Variants in PPP2R2B observed in about 807,000 individuals in gnomAD.
PPP2R2B encodes the protein serine/threonine-protein phosphatase 2A 55 kDa regulatory subunit B beta isoform.
PPP2R2B carries 5 observed loss-of-function variants against 46.0 expected under a neutral mutation model. That is an observed-to-expected ratio of 0.11 (90% confidence interval 0.06 to 0.23). The LOEUF (loss-of-function observed/expected upper bound fraction) is 0.23, where lower values mean the gene tolerates loss of function less well. Among genes scored for constraint, PPP2R2B ranks in the 10% least tolerant of loss-of-function variants. The probability of loss-of-function intolerance (pLI) is 1.00; values close to 1 mark genes in which losing one functional copy is unlikely to be tolerated. For missense variants in PPP2R2B, 367 were observed against 575.0 expected (o/e 0.64, Z 3.70); for synonymous variants, 215 against 206.7 (o/e 1.04, Z -0.34).
intron 5 of PPP2R2B, among the ~76,000 whole-genome samples, chr5:146,660,601 C>A (rs966863915): frequency 6.6e-6 from 1 of 152,080 alleles, no homozygotes; most frequent in African/African-American, 2.4e-5. Flanking sequence ...ACCAGCACCC[C>A]GCCAAAACCC....
Position 146,589,322 on chromosome 5 carries a change from A to C in PPP2R2B, c.*625T>G, listed in dbSNP as rs1167890961. ...CTCAGGCTGTTTCTATGGAGCTTAC[A>C]AAAAAAGAGCATAGCAGGGTTGATG... is the stretch of plus-strand genomic sequence containing the variant. On this transcript the variant is annotated 3_prime_UTR_variant, in exon 10 of 10. Coordinates refer to ENST00000394411, the MANE Select transcript of PPP2R2B (RefSeq NM_181675.4). 6.6e-6 allele frequency: 1 copy of C among 152,520 alleles called. No homozygotes were observed. The highest frequency in any genetic ancestry group is 6.5e-5 in the Admixed American group (1 of 15,288). 9.4% of individuals were successfully genotyped at this position (152,520 alleles called of 1,614,324 possible).
intron 1 of PPP2R2B, among the ~76,000 whole-genome samples, chr5:147,054,013 C>T (rs1756954807): frequency 1.3e-5 from 2 of 152,180 alleles, no homozygotes; most frequent in African/African-American, 2.4e-5. Flanking sequence ...TCCACCCTCC[C>T]ACCCTGAAAT....
At chr5:147,005,806 A>G (rs1754410986) in intron 1 of PPP2R2B, among the ~76,000 whole-genome samples, 1 of 84,786 alleles carries the variant, frequency 1.2e-5, no homozygotes, top group African/African-American at 6.8e-5. Flanking sequence ...ACAGACAAAG[A>G]AGAAGTCAAA....
rs116245042 is a variant in PPP2R2B, at chr5:146,958,151, G to A, written c.79+97514C>T. On this transcript the variant is annotated intron_variant, in intron 1 of 8. Coordinates refer to the PPP2R2B transcript ENST00000336640. ...ATACAGCAACGAGCAGACATTAATC[G>A]CAGATCTCCCGAAGGCCCCACCCTT... Among the ~76,000 whole-genome samples the A allele has an allele frequency of 5.5e-3, 839 of 151,906 alleles. 7 individuals are homozygous for A. Among genetic ancestry groups the A allele is most frequent in the African/African-American group, 0.019 (785 of 41,392 alleles).
chr5:146,689,196 C>T (rs1038338641), intron 5 of PPP2R2B, among the ~76,000 whole-genome samples: 1 of 152,108 alleles, frequency 6.6e-6, no homozygotes, highest in Non-Finnish European at 1.5e-5. Flanking sequence ...ACTACACAGG[C>T]TAAGCTGTTT....
At chr5:146,770,468 A>T (rs1754783081) in intron 2 of PPP2R2B, among the ~76,000 whole-genome samples, 1 of 151,990 alleles carries the variant, frequency 6.6e-6, no homozygotes, top group African/African-American at 2.4e-5. Context: ...ACTAAGTAAG[A>T]AACTATATAA....
At position 146,584,708 on chromosome 5, in the gene PPP2R2B, T is replaced by G. The variant is rs2150989070; in HGVS notation, c.*5239A>C. 6.6e-6 allele frequency: 1 copy of G among 152,370 alleles called. No homozygotes were observed. Among genetic ancestry groups the G allele is most frequent in the Non-Finnish European group, 1.5e-5 (1 of 68,036 alleles). The allele number at this position is 152,370 out of a possible 1,614,324, so 9.4% of individuals were successfully genotyped here. ...GTTTCCTTTTATTCTTTCCGTCTAC[T>G]TTACACTTAAATACAGTGCTTAAAA... On this transcript the variant is annotated 3_prime_UTR_variant, in exon 10 of 10. Coordinates refer to ENST00000394411, the MANE Select transcript of PPP2R2B (RefSeq NM_181675.4).
chr5:146,778,083 T>C (rs1755297805), intron 2 of PPP2R2B, among the ~76,000 whole-genome samples: 1 of 152,162 alleles, frequency 6.6e-6, no homozygotes, highest in Non-Finnish European at 1.5e-5. Flanking sequence ...CTAGAAACTT[T>C]CCCAAGGTTA....
chr5:146,827,903 C>T (rs999829670), intron 2 of PPP2R2B, among the ~76,000 whole-genome samples: 8 of 152,036 alleles, frequency 5.3e-5, no homozygotes, highest in African/African-American at 1.9e-4. Context: ...TGTCGTCTTC[C>T]TACACTTTAG....
chr5:147,017,331 G>T (rs927927515), intron 1 of PPP2R2B, among the ~76,000 whole-genome samples: 2 of 151,564 alleles, frequency 1.3e-5, no homozygotes, highest in Admixed American at 1.3e-4. Flanking sequence ...CAGAACACAG[G>T]CTGGGCATGT....
At chr5:146,728,840 C>A (rs1216875629) in intron 2 of PPP2R2B, among the ~76,000 whole-genome samples, 1 of 152,188 alleles carries the variant, frequency 6.6e-6, no homozygotes, top group Non-Finnish European at 1.5e-5. Context: ...GCCTCCCCAG[C>A]CATGTGGAAC....
At chr5:146,894,747 G>A (rs942347559) in intron 1 of PPP2R2B, among the ~76,000 whole-genome samples, 1 of 152,062 alleles carries the variant, frequency 6.6e-6, no homozygotes, top group Non-Finnish European at 1.5e-5. Flanking sequence ...GCCTGCCTCT[G>A]GACCTTTGTA....
Position 146,994,445 on chromosome 5 carries a change from G to A in PPP2R2B, c.79+61220C>T, listed in dbSNP as rs797008820. Among the ~76,000 whole-genome samples, 7 of 152,108 alleles carry A rather than the reference G, an allele frequency of 4.6e-5. 1 individual carries two copies. The South Asian group carries it at 1.5e-3, about 32-fold the overall frequency. ...ATGAGAGACGATCCCAGGAAATATT[G>A]GTAGGGGAGTAGGGAAGTCAGAAAG... On this transcript the variant is annotated intron_variant, in intron 1 of 8. Coordinates refer to the PPP2R2B transcript ENST00000336640.
chr5:147,012,963 A>G (rs1238324613), intron 1 of PPP2R2B, among the ~76,000 whole-genome samples: 1 of 152,002 alleles, frequency 6.6e-6, no homozygotes, highest in Non-Finnish European at 1.5e-5. Context: ...TGCAGACGAC[A>G]TGATTGTATA....
At chr5:146,785,458 G>A (rs973899435) in intron 2 of PPP2R2B, among the ~76,000 whole-genome samples, 1 of 152,136 alleles carries the variant, frequency 6.6e-6, no homozygotes, top group East Asian at 1.9e-4. Flanking sequence ...TGAGGTAGGA[G>A]GATCACTTGA....
intron 7 of PPP2R2B, among the ~76,000 whole-genome samples, chr5:146,623,335 T>C (rs1343399819): frequency 6.6e-6 from 1 of 152,274 alleles, no homozygotes; most frequent in Non-Finnish European, 1.5e-5. Flanking sequence ...TTTCTGATTA[T>C]GGGAATCTAA....
intron 1 of PPP2R2B, among the ~76,000 whole-genome samples, chr5:146,894,679 A>G (rs955263711): frequency 6.6e-6 from 1 of 152,134 alleles, no homozygotes; most frequent in Non-Finnish European, 1.5e-5. Context: ...GGCTCAAGTG[A>G]TCCACCTGCC....
At chr5:146,701,273 A>T (rs1779522987) in intron 2 of PPP2R2B, 131 bp from the exon 3 acceptor site, 2 of 907,736 alleles carry the variant, frequency 2.2e-6, no homozygotes, top group Non-Finnish European at 3.7e-6. Context: ...CAAGGATGTT[A>T]TGTTCTGGGT....
intron 1 of PPP2R2B, among the ~76,000 whole-genome samples, chr5:146,978,705 C>CT (rs879001671): frequency 1.3e-5 from 2 of 152,014 alleles, no homozygotes; most frequent in South Asian, 2.1e-4. Context: ...TTCCTGAGGC[C>CT]TTTTTTCTGT....
Sources: allele counts gnomAD v4.1 joint callset (sites outside exome capture counted in the v4.1 genomes callset), GRCh38; gene constraint gnomAD v4.1.1; transcripts MANE v1.5; gene names NCBI Gene and HGNC (gene_info 2026-07-23, HGNC 2026-07-21).